Variants in HDAC7 observed in about 807,000 individuals in gnomAD.
The protein encoded by HDAC7 is histone deacetylase 7.
HDAC7 carries 26 observed loss-of-function variants against 115.5 expected under a neutral mutation model. That is an observed-to-expected ratio of 0.23 (90% CI 0.16 to 0.31). HDAC7 has a LOEUF of 0.31. Ranked by LOEUF, HDAC7 falls within the 10% of genes least tolerant of loss-of-function variation. The pLI is 1.00. For synonymous variants in HDAC7, 564 were observed against 550.9 expected (o/e 1.02, Z -0.33); for missense variants, 1,068 against 1,329.0 (o/e 0.80, Z 3.05).
At position 47,791,617 on chromosome 12, in the gene HDAC7, G is replaced by A. The variant is rs1467634180; in HGVS notation, c.1902C>T (p.Ser634=). The change falls in exon 15 of 26, where the codon AGC becomes AGT. Residue 634 remains serine (S), a synonymous_variant. Coordinates refer to ENST00000080059, the MANE Select transcript of HDAC7 (RefSeq NM_015401.5). The part of the protein sequence containing the change: ...HVLLYGTNPL[S]RLKLDNGKLA... The stretch of plus-strand genomic sequence containing the variant: ...GCTTCCCGTTGTCCAGTTTGAGGCG[G>A]CTGAGCGGGTTGGTGCCGTAGAGGA... The A allele has an allele frequency of 6.2e-7, 1 of 1,609,642 alleles. No individual in the cohort carries two copies. The highest frequency in any genetic ancestry group is 2.2e-5 in the East Asian group (1 of 44,762).
At position 47,802,223 on chromosome 12, in the gene HDAC7, C is replaced by T. The variant is rs1211651540; in HGVS notation, c.70+1G>A. 6.2e-7 allele frequency: 1 copy of T among 1,613,426 alleles called. No individual in the cohort carries two copies. The highest frequency in any genetic ancestry group is 8.5e-7 in the Non-Finnish European group (1 of 1,179,818). ...TGGACTCCCCCGGGTTTGACTCTTA[C>T]CTGCGCCAGTGGGGCTGCAGTAGTG... On this transcript the variant is annotated splice_donor_variant, in intron 2 of 25. Coordinates refer to ENST00000080059, the MANE Select transcript of HDAC7 (RefSeq NM_015401.5). LOFTEE classifies it high-confidence loss of function.
chr12:47,797,427 G>A lies in HDAC7; in HGVS notation c.534C>T (p.Ser178=), dbSNP rs758694965. The stretch of plus-strand genomic sequence containing the variant: ...AGTGCTCTGGGGGGTCACTGGGCAG[G>A]CTGGGAACAGGAGGCAAAAAGCTGC... ...MLSSFLPPVP[S]LPSDPPEHFP... The change falls in exon 6 of 26, where the codon AGC becomes AGT. Residue 178 remains serine, a synonymous_variant. Coordinates refer to ENST00000080059, the MANE Select transcript of HDAC7 (RefSeq NM_015401.5). The surrounding 1 kb of genome is among the most constrained non-coding windows in gnomAD (Gnocchi z 5.5). 2.5e-6 allele frequency: 4 copies of A among 1,614,074 alleles called. No individual in the cohort carries two copies. The highest frequency in any genetic ancestry group is 1.3e-5 in the African/African-American group (1 of 74,932).
Position 47,797,280 on chromosome 12 carries a change from C to A in HDAC7, c.577+104G>T. ...AAGAAGATCCTAGCCTACCGATGAT[C>A]TCCTGGCCCAGCCCAGCCCGCCCAC... is the stretch of plus-strand genomic sequence containing the variant. On this transcript the variant is annotated intron_variant, in intron 6 of 25. Transcript: ENST00000080059. The surrounding 1 kb of genome is among the most constrained non-coding windows in gnomAD (Gnocchi z 5.5). 6.5e-7 allele frequency: 1 copy of A among 1,544,016 alleles called. No homozygotes were observed.
chr12:47,793,393 CA>C lies in HDAC7; in HGVS notation c.1653del (p.Ala552ProfsTer10). 1 of 1,410,918 alleles carries C rather than the reference CA, an allele frequency of 7.1e-7. No homozygotes were observed. The highest frequency in any genetic ancestry group is 9.4e-7 in the Non-Finnish European group (1 of 1,060,240). The allele number at this position is 1,410,918 out of a possible 1,614,324, so 87.4% of individuals were successfully genotyped here. A position where few individuals can be genotyped will look rare whatever the true frequency, so the allele number is the denominator to read the frequency against. ...CCTGTGGTGAAGGGCAGGGTCCTGGCAGGGGTCTCTGAGCTGGAGAGGACTC... is the reference window on the plus strand; with the variant it reads ...CCTGTGGTGAAGGGCAGGGTCCTGGCGGGGTCTCTGAGCTGGAGAGGACTC... ...QARVLSSSET[P>X]ARTLPFTTGL... On this transcript the variant is annotated frameshift_variant, in exon 13 of 26. Coordinates refer to ENST00000080059, the MANE Select transcript of HDAC7 (RefSeq NM_015401.5). LOFTEE classifies it high-confidence loss of function. The surrounding 1 kb of genome is among the most constrained non-coding windows in gnomAD (Gnocchi z 4.5).
intron 1 of HDAC7, 135 bp from the exon 2 acceptor site, chr12:47,802,409 A>C: frequency 6.5e-7 from 1 of 1,539,574 alleles, no homozygotes; most frequent in Non-Finnish European, 8.8e-7. Context: ...CCTCCACCAG[A>C]AGCTAATCAA....
chr12:47,811,720 C>T (rs764583727), intron 1 of HDAC7, among the ~76,000 whole-genome samples: 1 of 152,182 alleles, frequency 6.6e-6, no homozygotes, highest in African/African-American at 2.4e-5. Context: ...AGTGTGACCT[C>T]GGGCTCCCGT....
Position 47,796,000 on chromosome 12 carries a change from C to T in HDAC7, c.812G>A (p.Arg271Gln), listed in dbSNP as rs779760988. ...ILGSEALLGQRLRLQETSVAP... is the reference protein window; with the variant it reads ...ILGSEALLGQQLRLQETSVAP... ...CACAGAAGTCTCCTGCAGCCGCAGC[C>T]GCTGGCCCAAGAGCGCCTGCCATAG... Residue 271 changes from arginine (R) to glutamine (Q), a missense_variant, in exon 9 of 26, where the codon CGG becomes CAG. Arg to Gln is a conservative substitution (Grantham distance 43). This residue lies in a region of HDAC7 where 618 missense variants were observed against 701.5 expected (regional missense o/e 0.88). Coordinates refer to ENST00000080059, the MANE Select transcript of HDAC7 (RefSeq NM_015401.5). The surrounding 1 kb of genome is among the most constrained non-coding windows in gnomAD (Gnocchi z 4.3). 178 of 1,549,668 alleles carry T rather than the reference C, an allele frequency of 1.1e-4. 1 individual carries two copies. The South Asian group carries it at 1.7e-3, about 14-fold the overall frequency.
rs866106815 is a variant in HDAC7, at chr12:47,797,893, T to A, written c.461+215A>T. 9.7e-5 allele frequency among the ~76,000 whole-genome samples: 14 copies of A among 144,524 alleles called. No individual in the cohort carries two copies. The highest frequency in any genetic ancestry group is 3.9e-4 in the African/African-American group (14 of 35,954). The allele number at this position is 144,524 out of a possible 152,430, so 94.8% of individuals were successfully genotyped here. A position where few individuals can be genotyped will look rare whatever the true frequency, so the allele number is the denominator to read the frequency against. On this transcript the variant is annotated intron_variant, in intron 5 of 25. Transcript: ENST00000080059. The surrounding 1 kb of genome is among the most constrained non-coding windows in gnomAD (Gnocchi z 5.5). ...GTGTGTGTGTGTGTGTGTGTGTGTG[T>A]GTGAGAAGGGCTCAGGTGGGGTGGG... is the stretch of plus-strand genomic sequence containing the variant.
chr12:47,789,682 A>T lies in HDAC7; in HGVS notation c.2092-104T>A, dbSNP rs1213071290. On this transcript the variant is annotated intron_variant, in intron 17 of 25. Transcript: ENST00000080059. ...TCTCAACCTGGTTCCCAGAGCCCTCAATTTCCCCTCCAAAACCCTGTAGCA... is the reference window on the plus strand; with the variant it reads ...TCTCAACCTGGTTCCCAGAGCCCTCTATTTCCCCTCCAAAACCCTGTAGCA... 2.1e-6 allele frequency: 3 copies of T among 1,451,962 alleles called. No homozygotes were observed. In the African/African-American group the frequency reaches 4.2e-5, roughly 20 times the overall value. 89.9% of individuals were successfully genotyped at this position (1,451,962 alleles called of 1,614,324 possible). A position where few individuals can be genotyped will look rare whatever the true frequency, so the allele number is the denominator to read the frequency against.
In HDAC7 at chr12:47,795,511, G is replaced by T; in HGVS notation, c.1087+76C>A. On this transcript the variant is annotated intron_variant, in intron 10 of 25. Coordinates refer to ENST00000080059, the MANE Select transcript of HDAC7 (RefSeq NM_015401.5). The surrounding 1 kb of genome is among the most constrained non-coding windows in gnomAD (Gnocchi z 4.3). ...CAGGGGGACAGAGATGGGGAGGAAG[G>T]ATGGGTCCATCCCAAGCTTGGCTCT... 6.8e-7 allele frequency: 1 copy of T among 1,473,148 alleles called. No homozygotes were observed. The highest frequency in any genetic ancestry group is 9.2e-7 in the Non-Finnish European group (1 of 1,082,636). 91.3% of individuals were successfully genotyped at this position (1,473,148 alleles called of 1,614,324 possible).
Position 47,791,246 on chromosome 12 carries a change from T to C in HDAC7, c.1983+13A>G, listed in dbSNP as rs113654828. The C allele has an allele frequency of 3.0e-5, 48 of 1,595,322 alleles. No individual in the cohort carries two copies. The African/African-American group carries it at 4.7e-4, about 16-fold the overall frequency. On this transcript the variant is annotated intron_variant, in intron 16 of 25. Coordinates refer to ENST00000080059, the MANE Select transcript of HDAC7 (RefSeq NM_015401.5). ...CCTGGCAACGCCCCCCTGAGACCCC[T>C]GGGCACACTTACCCCAACCCCACCA...
In HDAC7 at chr12:47,783,581, G is replaced by A. The variant is rs1592618738; in HGVS notation, c.*260C>T. 1 of 525,894 alleles carries A rather than the reference G, an allele frequency of 1.9e-6. No individual in the cohort carries two copies. The highest frequency in any genetic ancestry group is 3.4e-6 in the Non-Finnish European group (1 of 290,534). The allele number at this position is 525,894 out of a possible 1,614,324, so 32.6% of individuals were successfully genotyped here. ...GGGGGCCACAGCCAGGGCCCATACT[G>A]GAGGGGAGAATCTGTTCTCGAGAGC... is the stretch of plus-strand genomic sequence containing the variant. On this transcript the variant is annotated 3_prime_UTR_variant, in exon 26 of 26. Transcript: ENST00000080059.
At chr12:47,807,534 C>T (rs7299689) in intron 1 of HDAC7, among the ~76,000 whole-genome samples, 12,090 of 152,100 alleles carry the variant, frequency 0.079, 603 homozygotes, top group African/African-American at 0.15. Flanking sequence ...TCAGAATCCA[C>T]GCTCTCAACC....
At chr12:47,804,480 C>T (rs1944306452) in intron 1 of HDAC7, among the ~76,000 whole-genome samples, 1 of 150,694 alleles carries the variant, frequency 6.6e-6, no homozygotes, top group South Asian at 2.1e-4. Context: ...TTTCCCATCA[C>T]TGCCTCTCTC....
At chr12:47,819,727 G>A in intron 1 of HDAC7, 40 bp downstream of exon 1, 1 of 690,148 alleles carries the variant, frequency 1.4e-6, no homozygotes, top group African/African-American at 1.9e-5. Flanking sequence ...GCTGGGTGCC[G>A]CGCGCAGGGC....
chr12:47,800,288 A>G (rs1435733280), intron 2 of HDAC7, among the ~76,000 whole-genome samples: 1 of 152,172 alleles, frequency 6.6e-6, no homozygotes, highest in Non-Finnish European at 1.5e-5. Flanking sequence ...GGTCCTACCA[A>G]GGCAGGTACT....
chr12:47,812,350 G>A (rs967878753), intron 1 of HDAC7, among the ~76,000 whole-genome samples: 2 of 152,196 alleles, frequency 1.3e-5, no homozygotes, highest in Non-Finnish European at 2.9e-5. Flanking sequence ...CCCAGTTTCT[G>A]TTCTTCGTGT....
chr12:47,808,941 G>A (rs190046729), intron 1 of HDAC7, among the ~76,000 whole-genome samples: 14 of 152,324 alleles, frequency 9.2e-5, no homozygotes, highest in African/African-American at 3.1e-4. Flanking sequence ...AGTTCACCAT[G>A]ATGTCTAACT....
In HDAC7 at chr12:47,795,236, C is replaced by A; in HGVS notation, c.1232G>T (p.Gly411Val). The A allele has an allele frequency of 6.2e-7, 1 of 1,612,850 alleles. No homozygotes were observed. Among genetic ancestry groups the A allele is most frequent in the Non-Finnish European group, 8.5e-7 (1 of 1,179,374 alleles). ...PPSATAPPPP[G>V]PMQPRLEQLK... Reference sequence around the variant, plus strand: ...CTGCTCCAGGCGGGGCTGCATGGGGCCCGGCGGTGGGGGAGCGGTGGCACT... The same window carrying A: ...CTGCTCCAGGCGGGGCTGCATGGGGACCGGCGGTGGGGGAGCGGTGGCACT... The change falls in exon 11 of 26, where the codon GGC becomes GTC. Residue 411 changes from glycine to valine, a missense_variant. By Grantham distance (109) the Gly-to-Val change is moderately radical. Transcript: ENST00000080059. The surrounding 1 kb of genome is among the most constrained non-coding windows in gnomAD (Gnocchi z 4.3).
Sources: gnomAD v4.1 joint callset for allele counts (sites outside exome capture counted in the v4.1 genomes callset) on GRCh38, gnomAD v4.1.1 for gene constraint, gnomAD v4.1.1 regional missense constraint, Gnocchi (gnomAD v3.1) non-coding constraint, MANE v1.5 for transcripts, NCBI Gene and HGNC (gene_info 2026-07-23, HGNC 2026-07-21) for gene names.